EML5: variants seen among roughly 807,000 people sequenced by gnomAD.
EML5 encodes echinoderm microtubule-associated protein-like 5.
In EML5, 120 loss-of-function variants were observed where a neutral mutation model predicts 250.0. That is an observed-to-expected ratio of 0.48 (90% CI 0.41 to 0.56). EML5 has a LOEUF of 0.56. EML5 is among the 20% of genes least tolerant of loss of function. The probability of loss-of-function intolerance (pLI) is 0.00; values close to 1 mark genes in which losing one functional copy is unlikely to be tolerated. For missense variants in EML5, 2,006 were observed against 2,437.6 expected, an observed-to-expected ratio of 0.82 and a Z score of 3.73; for synonymous variants, 771 against 806.5, an observed-to-expected ratio of 0.96 and a Z score of 0.75.
At chr14:88,665,237 G>T in intron 22 of EML5, 100 bp downstream of exon 22, 1 of 1,321,500 alleles carries the variant, frequency 7.6e-7, no homozygotes, top group Admixed American at 2.8e-5. Context: ...AAAAAGTTAA[G>T]TTCTGAGATA....
chr14:88,693,967 C>CTCACTATG (rs2093020290), intron 17 of EML5, among the ~76,000 whole-genome samples: 1 of 148,488 alleles, frequency 6.7e-6, no homozygotes, highest in African/African-American at 2.5e-5. Flanking sequence ...GAGACAGGGT[C>CTCACTATG]TCACTATGCT....
chr14:88,709,349 T>C (rs887245202), intron 10 of EML5, among the ~76,000 whole-genome samples: 4 of 150,638 alleles, frequency 2.7e-5, no homozygotes. Flanking sequence ...TTGCAAACTA[T>C]AAAAATTACA....
intron 4 of EML5, 146 bp downstream of exon 4, chr14:88,743,877 C>A: frequency 2.3e-6 from 1 of 443,164 alleles, no homozygotes; most frequent in Non-Finnish European, 3.9e-6. Context: ...ATTTGTTTGA[C>A]TGAACATAAG....
intron 4 of EML5, among the ~76,000 whole-genome samples, chr14:88,741,157 G>T (rs368607277): frequency 6.6e-6 from 1 of 151,186 alleles, no homozygotes; most frequent in African/African-American, 2.4e-5. Context: ...GTGAGACTCC[G>T]TCTCAAGAAA....
intron 23 of EML5, among the ~76,000 whole-genome samples, chr14:88,664,275 CAAA>C (rs35920066): frequency 4.7e-5 from 5 of 105,686 alleles, no homozygotes; most frequent in Non-Finnish European, 6.4e-5. Flanking sequence ...AGACCTGTCT[CAAA>C]AAAAAAAAAA....
At chr14:88,718,836 G>C (rs1595654077) in intron 8 of EML5, among the ~76,000 whole-genome samples, 1 of 152,234 alleles carries the variant, frequency 6.6e-6, no homozygotes, top group East Asian at 1.9e-4. Context: ...GCTCTTTGGT[G>C]GGGGTGCAAC....
chr14:88,647,347 G>A (rs982361280), intron 28 of EML5, among the ~76,000 whole-genome samples: 11 of 151,618 alleles, frequency 7.3e-5, no homozygotes, highest in African/African-American at 1.7e-4. Flanking sequence ...CAGCCTGGGC[G>A]ACAGAGCACG....
chr14:88,702,376 T>C, intron 14 of EML5, 70 bp downstream of exon 14: 2 of 1,180,680 alleles, frequency 1.7e-6, no homozygotes, highest in Non-Finnish European at 2.3e-6. Context: ...AAAAGAGATA[T>C]GTGATTAATT....
intron 1 of EML5, among the ~76,000 whole-genome samples, chr14:88,788,898 G>GAA (rs10708422): frequency 1.5e-5 from 2 of 136,554 alleles, no homozygotes; most frequent in Non-Finnish European, 3.1e-5. Flanking sequence ...CATCTTTACC[G>GAA]AAAAAAAAAA....
At chr14:88,617,892 C>T (rs1183476072) in intron 41 of EML5, 1 of 172,478 alleles carries the variant, frequency 5.8e-6, no homozygotes, top group East Asian at 1.5e-4. Context: ...AGATAGCATT[C>T]CTTTAGATAG....
intron 21 of EML5, among the ~76,000 whole-genome samples, chr14:88,667,369 A>C (rs2092335343): frequency 6.6e-6 from 1 of 152,222 alleles, no homozygotes; most frequent in Admixed American, 6.5e-5. Context: ...TGTTAAAAGA[A>C]TATAAGACCG....
chr14:88,743,068 T>C (rs1036918055), intron 4 of EML5, among the ~76,000 whole-genome samples: 4 of 152,076 alleles, frequency 2.6e-5, no homozygotes, highest in Non-Finnish European at 5.9e-5. Flanking sequence ...AAATCTGAGC[T>C]GTAATTATAA....
At chr14:88,749,768 A>G (rs1356405283) in intron 2 of EML5, among the ~76,000 whole-genome samples, 1 of 152,212 alleles carries the variant, frequency 6.6e-6, no homozygotes, top group Non-Finnish European at 1.5e-5. Context: ...ATGTTCTCTG[A>G]CAAAAACAGA....
At position 88,622,522 on chromosome 14, in the gene EML5, T is replaced by G. The variant is rs962419783; in HGVS notation, c.5013+82A>C. 2.7e-6 allele frequency: 3 copies of G among 1,109,944 alleles called. No homozygotes were observed. The African/African-American group carries it at 4.8e-5, about 18-fold the overall frequency. 68.8% of individuals were successfully genotyped at this position (1,109,944 alleles called of 1,614,324 possible). A position where few individuals can be genotyped will look rare whatever the true frequency, so the allele number is the denominator to read the frequency against. ...TTATGCATTATTAAGTATTGTTCAT[T>G]AGGCTGCAAAGGGTGAGGGAATCAC... On this transcript the variant is annotated intron_variant, in intron 37 of 43. Transcript: ENST00000554922.
Position 88,627,793 on chromosome 14 carries a change from C to T in EML5, c.4384G>A (p.Asp1462Asn), listed in dbSNP as rs1459866561. 2 of 1,603,776 alleles carry T rather than the reference C, an allele frequency of 1.2e-6. No homozygotes were observed. The highest frequency in any genetic ancestry group is 1.7e-5 in the Admixed American group (1 of 58,478). ...GATAAAGTCTGCTTGTTCATTGCAT[C>T]CCAGATGTGAATAGAAGGAGCTGTA... ...SATAPSIHIW[D>N]AMNKQTLSIL... Residue 1462 changes from aspartate to asparagine, a missense_variant, in exon 34 of 44, where the codon GAT becomes AAT. By Grantham distance (23) the Asp-to-Asn change is conservative. Transcript: ENST00000554922.
At chr14:88,718,705 G>C (rs1261170294) in intron 8 of EML5, among the ~76,000 whole-genome samples, 2 of 152,142 alleles carry the variant, frequency 1.3e-5, no homozygotes, top group Non-Finnish European at 1.5e-5. Context: ...AATAAAGTTA[G>C]ACAGTTTTAT....
In EML5 at chr14:88,791,927, C is replaced by A. The variant is rs141944032; in HGVS notation, c.197+380G>T. On this transcript the variant is annotated intron_variant, in intron 1 of 43. Transcript: ENST00000554922. ...CTTTATTAGGTAAAGGGTTTCCCCC[C>A]ACCCCGGGTGCTTTAAGAATGCGTT... Among the ~76,000 whole-genome samples, 143 of 152,284 alleles carry A rather than the reference C, an allele frequency of 9.4e-4. 1 individual carries two copies. The highest frequency in any genetic ancestry group is 3.2e-3 in the African/African-American group (133 of 41,550).
At chr14:88,720,177 A>T (rs559487904) in intron 8 of EML5, among the ~76,000 whole-genome samples, 1 of 152,338 alleles carries the variant, frequency 6.6e-6, no homozygotes, top group Admixed American at 6.5e-5. Context: ...GCTCATGACC[A>T]GATGAATTTA....
intron 1 of EML5, among the ~76,000 whole-genome samples, chr14:88,756,449 A>G (rs76797694): frequency 0.018 from 2,734 of 152,312 alleles, 81 homozygotes; most frequent in African/African-American, 0.061. Context: ...GGGAAAAAAC[A>G]AGGATGTCAG....
Sources: allele counts gnomAD v4.1 joint callset (sites outside exome capture counted in the v4.1 genomes callset), GRCh38; gene constraint gnomAD v4.1.1; transcripts MANE v1.5; gene names NCBI Gene and HGNC (gene_info 2026-07-23, HGNC 2026-07-21).